The following TRDN variants were observed in gnomAD, a reference collection of about 807,000 sequenced individuals.
TRDN encodes the protein triadin in skeletal muscle.
Under a neutral mutation model 149.7 loss-of-function variants are expected in TRDN, and 161 were observed. The ratio of observed to expected loss-of-function variants is 1.08; its 90% CI spans 0.95 to 1.23. The LOEUF (loss-of-function observed/expected upper bound fraction) is 1.23, where lower values mean the gene tolerates loss of function less well. TRDN is among the 50% of genes most tolerant of loss of function. The pLI is 0.00. For missense variants in TRDN, 896 were observed against 823.5 expected (o/e 1.09, Z -1.08); for synonymous variants, 294 against 250.5 (o/e 1.17, Z -1.64).
At chr6:123,581,504 T>A (rs1183242836) in intron 1 of TRDN, among the ~76,000 whole-genome samples, 1 of 152,212 alleles carries the variant, frequency 6.6e-6, no homozygotes, top group Non-Finnish European at 1.5e-5. Context: ...GAAGTGTTGC[T>A]ACAGGAAATC....
chr6:123,438,903 A>C, intron 11 of TRDN, 41 bp downstream of exon 11: 1 of 1,455,844 alleles, frequency 6.9e-7, no homozygotes, highest in Non-Finnish European at 9.3e-7. Flanking sequence ...ATGCATGGAC[A>C]CTAATTGATT....
At chr6:123,487,827 C>G (rs1254392862) in intron 9 of TRDN, among the ~76,000 whole-genome samples, 1 of 152,086 alleles carries the variant, frequency 6.6e-6, no homozygotes, top group Non-Finnish European at 1.5e-5. Context: ...TATTTCTCAG[C>G]ACTTAGTCAA....
intron 2 of TRDN, 56 bp downstream of exon 2, chr6:123,570,867 T>A: frequency 6.5e-7 from 1 of 1,539,084 alleles, no homozygotes; most frequent in Non-Finnish European, 8.9e-7. Context: ...GAGGGGACAC[T>A]GTTTCTTTCC....
At chr6:123,412,748 TA>T (rs1773494025) in intron 12 of TRDN, among the ~76,000 whole-genome samples, 1 of 152,000 alleles carries the variant, frequency 6.6e-6, no homozygotes, top group South Asian at 2.1e-4. Context: ...TATTTTGTGG[TA>T]AAAAGTTTAA....
At chr6:123,253,862 T>C (rs1254078591) in intron 37 of TRDN, among the ~76,000 whole-genome samples, 1 of 152,146 alleles carries the variant, frequency 6.6e-6, no homozygotes, top group Non-Finnish European at 1.5e-5. Flanking sequence ...GGATATACTC[T>C]ATCCTTGGGC....
chr6:123,390,697 C>T (rs1227400237), intron 13 of TRDN, among the ~76,000 whole-genome samples: 1 of 152,116 alleles, frequency 6.6e-6, no homozygotes. Flanking sequence ...ACGTGTCCTA[C>T]TTCTGGTCCT....
chr6:123,534,290 T>TA (rs1402794949), intron 4 of TRDN, among the ~76,000 whole-genome samples: 1 of 152,210 alleles, frequency 6.6e-6, no homozygotes, highest in Non-Finnish European at 1.5e-5. Context: ...CACCTACATT[T>TA]ATTTGCTCAG....
At chr6:123,545,099 G>C (rs190709348) in intron 4 of TRDN, among the ~76,000 whole-genome samples, 30 of 151,924 alleles carry the variant, frequency 2.0e-4, no homozygotes, top group African/African-American at 7.0e-4. Flanking sequence ...AAATGCTACA[G>C]CCTGATAATT....
intron 38 of TRDN, 94 bp downstream of exon 38, chr6:123,252,318 G>T: frequency 1.3e-6 from 1 of 766,686 alleles, no homozygotes; most frequent in South Asian, 2.2e-5. Flanking sequence ...AAACTATACT[G>T]AACACTTCAA....
rs1192844898 is a variant in TRDN at position 123,504,015 on chromosome 6, A to G, written c.611-114T>C. On this transcript the variant is annotated intron_variant, in intron 7 of 40. Transcript: ENST00000334268. ...AAGAAAGAGGGAAGAAAGGTAAGTC[A>G]CAAGTGTTTATGTTAAGAACAGTAT... is the stretch of plus-strand genomic sequence containing the variant. 19 of 1,172,848 alleles carry G rather than the reference A, an allele frequency of 1.6e-5. No individual in the cohort carries two copies. The South Asian group carries it at 2.8e-4, about 17-fold the overall frequency. The allele number at this position is 1,172,848 out of a possible 1,614,324, so 72.7% of individuals were successfully genotyped here. A position where few individuals can be genotyped will look rare whatever the true frequency, so the allele number is the denominator to read the frequency against.
In TRDN at chr6:123,216,713, A is replaced by T. The variant is rs975947903; in HGVS notation, c.*1888T>A. 1.3e-5 allele frequency: 2 copies of T among 151,782 alleles called. No homozygotes were observed. The highest frequency in any genetic ancestry group is 2.9e-5 in the Non-Finnish European group (2 of 67,906). 9.4% of individuals were successfully genotyped at this position (151,782 alleles called of 1,614,324 possible). On this transcript the variant is annotated 3_prime_UTR_variant, in exon 41 of 41. Transcript: ENST00000334268. ...CCCTATATCCCTATTTTACTCATGG[A>T]GAAACAAACATAGTATGTTTAGTAA... is the stretch of plus-strand genomic sequence containing the variant.
At chr6:123,219,249 T>C (rs1775055351) in intron 40 of TRDN, among the ~76,000 whole-genome samples, 1 of 151,806 alleles carries the variant, frequency 6.6e-6, no homozygotes, top group South Asian at 2.1e-4. Flanking sequence ...GCTTGGTTGC[T>C]CTTTGAGCAA....
intron 12 of TRDN, among the ~76,000 whole-genome samples, chr6:123,427,357 T>C (rs1301291140): frequency 1.3e-5 from 2 of 151,870 alleles, no homozygotes; most frequent in Non-Finnish European, 2.9e-5. Context: ...ACAATAATAA[T>C]AATAACTTCA....
chr6:123,450,536 A>C (rs1302754356), intron 10 of TRDN, among the ~76,000 whole-genome samples: 1 of 152,192 alleles, frequency 6.6e-6, no homozygotes, highest in Non-Finnish European at 1.5e-5. Context: ...GGTCTTGTCC[A>C]ACAGGAAAAT....
At chr6:123,565,889 C>A (rs1171485319) in intron 2 of TRDN, among the ~76,000 whole-genome samples, 1 of 152,202 alleles carries the variant, frequency 6.6e-6, no homozygotes, top group Non-Finnish European at 1.5e-5. Context: ...AAGTCTTCCA[C>A]TTTGTTCTTG....
intron 12 of TRDN, among the ~76,000 whole-genome samples, chr6:123,434,454 G>A (rs995993040): frequency 6.6e-6 from 1 of 152,118 alleles, no homozygotes; most frequent in African/African-American, 2.4e-5. Context: ...AGTCTTTGTG[G>A]TTGTGAGAAG....
At chr6:123,421,587 G>A (rs1773903735) in intron 12 of TRDN, 1 of 151,942 alleles carries the variant, frequency 6.6e-6, no homozygotes, top group Non-Finnish European at 1.5e-5. Context: ...TTTTCAGGAG[G>A]ACTCAGCCAT....
At chr6:123,460,986 C>T (rs1325078240) in intron 10 of TRDN, among the ~76,000 whole-genome samples, 1 of 152,004 alleles carries the variant, frequency 6.6e-6, no homozygotes, top group African/African-American at 2.4e-5. Context: ...ATAGTATTAT[C>T]CATTGTCCCA....
At chr6:123,260,867 C>A (rs959404903) in intron 33 of TRDN, among the ~76,000 whole-genome samples, 2 of 151,260 alleles carry the variant, frequency 1.3e-5, no homozygotes, top group Non-Finnish European at 3.0e-5. Flanking sequence ...TTCAATTAAT[C>A]TAAAATGGTA....
Sources: gnomAD v4.1 joint callset for allele counts (sites outside exome capture counted in the v4.1 genomes callset) on GRCh38, gnomAD v4.1.1 for gene constraint, MANE v1.5 for transcripts, NCBI Gene and HGNC (gene_info 2026-07-23, HGNC 2026-07-21) for gene names.